Variants in LRRK1 observed in about 807,000 individuals in gnomAD.
LRRK1 encodes leucine rich repeat kinase 1.
A neutral mutation model predicts 209.1 loss-of-function variants in LRRK1; 113 were observed. The ratio of observed to expected loss-of-function variants is 0.54; its 90% CI spans 0.46 to 0.63. The LOEUF (loss-of-function observed/expected upper bound fraction) is 0.63, where lower values mean the gene tolerates loss of function less well. LRRK1 is among the 30% of genes least tolerant of loss of function. LRRK1 has a pLI of 0.00. For missense variants in LRRK1, 2,284 were observed against 2,632.2 expected (o/e 0.87, Z 2.89); for synonymous variants, 1,144 against 1,099.7 (o/e 1.04, Z -0.80).
At chr15:101,064,958 G>A in intron 31 of LRRK1, 1 of 246,118 alleles carries the variant, frequency 4.1e-6, no homozygotes, top group Non-Finnish European at 7.9e-6. Flanking sequence ...ACCGAGAAAA[G>A]GGCGGGGGCA....
chr15:101,010,457 G>A lies in LRRK1; in HGVS notation c.997G>A (p.Glu333Lys), dbSNP rs1296621966. The A allele has an allele frequency of 1.9e-6, 3 of 1,610,556 alleles. No homozygotes were observed. The highest frequency in any genetic ancestry group is 2.5e-6 in the Non-Finnish European group (3 of 1,179,136). ...CCTTCTTCTCCATCGCAGGCTACTT[G>A]AAATTGACATTTCCAGCAACAAGTT... ...SDEIICSRLL[E>K]IDISSNKLSH... Residue 333 changes from glutamate (E) to lysine (K), a missense_variant, in exon 8 of 34, where the codon GAA (glutamate) becomes AAA (lysine). Around this residue, in one of 6 missense-constraint regions of LRRK1, gnomAD observed 494 missense variants for 522.1 expected, o/e 0.95. Transcript: ENST00000388948.
chr15:101,041,427 A>G (rs1014906751), intron 20 of LRRK1, among the ~76,000 whole-genome samples: 4 of 151,944 alleles, frequency 2.6e-5, no homozygotes, highest in Non-Finnish European at 5.9e-5. Context: ...ATACCATCTG[A>G]TTTTGTTATT....
intron 2 of LRRK1, among the ~76,000 whole-genome samples, chr15:100,925,555 G>A (rs2042095031): frequency 6.6e-6 from 1 of 152,176 alleles, no homozygotes; most frequent in South Asian, 2.1e-4. Context: ...TACAGAAGTT[G>A]AATGATTGGT....
Position 101,027,230 on chromosome 15 carries a change from G to A in LRRK1, c.2406-31G>A, listed in dbSNP as rs565313221. ...GCAGCGCTTCCTCGGAGTGGGGCAT[G>A]ATGAGTAAAGACGGGTCTTTTTGCT... On this transcript the variant is annotated intron_variant, in intron 17 of 33. Coordinates refer to ENST00000388948, the MANE Select transcript of LRRK1 (RefSeq NM_024652.6). This position sits in a 1 kb window ranked among gnomAD's most constrained non-coding sequence, Gnocchi z 5.1. The A allele has an allele frequency of 1.9e-6, 3 of 1,612,842 alleles. No homozygotes were observed. Among genetic ancestry groups the A allele is most frequent in the East Asian group, 2.2e-5 (1 of 44,858 alleles).
At chr15:101,026,276 C>A in intron 17 of LRRK1, 139 bp downstream of exon 17, 1 of 802,522 alleles carries the variant, frequency 1.2e-6, no homozygotes, top group Non-Finnish European at 2.0e-6. Context: ...ATCCACAGAG[C>A]TGACCCAGCC....
At chr15:100,994,840 A>C (rs1186554123) in intron 6 of LRRK1, among the ~76,000 whole-genome samples, 1 of 152,158 alleles carries the variant, frequency 6.6e-6, no homozygotes, top group East Asian at 1.9e-4. Flanking sequence ...CTGGCAGAAG[A>C]GAACAGAGAG....
chr15:101,076,038 C>T lies in LRRK1; in HGVS notation c.*7190C>T, dbSNP rs2036974100. On this transcript the variant is annotated 3_prime_UTR_variant, in exon 34 of 34. Transcript: ENST00000388948. ...CATGTCCGATTAATCTCCCAAACCCCAACCCCTTCTACAAAACAAGAACTC... is the reference window on the plus strand; with the variant it reads ...CATGTCCGATTAATCTCCCAAACCCTAACCCCTTCTACAAAACAAGAACTC... The T allele has an allele frequency of 6.6e-6, 1 of 152,194 alleles. No individual in the cohort carries two copies. Among genetic ancestry groups the T allele is most frequent in the South Asian group, 2.1e-4 (1 of 4,832 alleles). 9.4% of individuals were successfully genotyped at this position (152,194 alleles called of 1,614,324 possible). A position where few individuals can be genotyped will look rare whatever the true frequency, so the allele number is the denominator to read the frequency against.
Position 101,021,941 on chromosome 15 carries a change from A to G in LRRK1, c.1836A>G (p.Ala612=). ...ACCTGACCATCAGCAATGTGCCTGC[A>G]GAAATCCAAAAAGAAGGTAGGGCTT... The part of the protein sequence containing the change: ...TEDLTISNVP[A]EIQKEGPKAM... The change falls in exon 14 of 34, where the codon GCA becomes GCG. Residue 612 remains alanine, a synonymous_variant. Transcript: ENST00000388948. 1.2e-6 allele frequency: 2 copies of G among 1,613,668 alleles called. No individual in the cohort carries two copies. Among genetic ancestry groups the G allele is most frequent in the Non-Finnish European group, 1.7e-6 (2 of 1,179,596 alleles).
At position 101,051,869 on chromosome 15, in the gene LRRK1, C is replaced by T. The variant is rs777443874; in HGVS notation, c.3598C>T (p.Arg1200Trp). ...AGACTGTGTCCTGACGGCCATCGAG[C>T]GGGACTTCATCTCCTGCCCCAGACA... is the stretch of plus-strand genomic sequence containing the variant. The part of the protein sequence containing the change: ...MEDCVLTAIE[R>W]DFISCPRHPD... The change falls in exon 24 of 34, where the codon CGG (arginine) becomes TGG (tryptophan). Residue 1200 changes from arginine to tryptophan, a missense_variant. Around this residue, in one of 6 missense-constraint regions of LRRK1, gnomAD observed 780 missense variants for 985.2 expected, o/e 0.79. Transcript: ENST00000388948. 11 of 1,613,978 alleles carry T rather than the reference C, an allele frequency of 6.8e-6. No homozygotes were observed. The highest frequency in any genetic ancestry group is 4.0e-5 in the African/African-American group (3 of 74,940).
intron 2 of LRRK1, among the ~76,000 whole-genome samples, chr15:100,950,081 C>G (rs1282055076): frequency 6.6e-6 from 1 of 152,192 alleles, no homozygotes; most frequent in African/African-American, 2.4e-5. Flanking sequence ...TTTCCGGTGA[C>G]ATCATACTGT....
At chr15:100,987,849 G>T (rs1043150156) in intron 4 of LRRK1, among the ~76,000 whole-genome samples, 7 of 152,184 alleles carry the variant, frequency 4.6e-5, no homozygotes, top group Non-Finnish European at 1.0e-4. Flanking sequence ...ACTCCTGCAT[G>T]TAATGTTACC....
rs1405103043 is a variant in LRRK1, at chr15:101,002,838, A to G, written c.763-5999A>G. 2.0e-5 allele frequency among the ~76,000 whole-genome samples: 3 copies of G among 152,216 alleles called. No homozygotes were observed. In the East Asian group the frequency reaches 5.8e-4, roughly 29 times the overall value. ...AACTTCCATCTCCCGGGTTCAAGTG[A>G]TTCGGCCTCAGCCTCCCAAGTAGCT... On this transcript the variant is annotated intron_variant, in intron 6 of 33. Coordinates refer to ENST00000388948, the MANE Select transcript of LRRK1 (RefSeq NM_024652.6).
chr15:101,048,712 G>A (rs1350632657), intron 22 of LRRK1, 55 bp downstream of exon 22: 11 of 1,418,722 alleles, frequency 7.8e-6, no homozygotes, highest in Admixed American at 5.7e-5. Context: ...AGCAGCCACC[G>A]CGGGGCCACG....
chr15:101,026,296 G>T (rs2034030079), intron 17 of LRRK1, among the ~76,000 whole-genome samples, 159 bp downstream of exon 17: 1 of 152,260 alleles, frequency 6.6e-6, no homozygotes, highest in Admixed American at 6.5e-5. Flanking sequence ...CTTGGGGAGG[G>T]TGAAGACCTA....
Position 101,076,232 on chromosome 15 carries a change from A to G in LRRK1, c.*7384A>G, listed in dbSNP as rs924570485. 1 of 152,158 alleles carries G rather than the reference A, an allele frequency of 6.6e-6. No homozygotes were observed. The highest frequency in any genetic ancestry group is 1.5e-5 in the Non-Finnish European group (1 of 68,048). The allele number at this position is 152,158 out of a possible 1,614,324, so 9.4% of individuals were successfully genotyped here. ...AATACTTTTAGAGGCCCTCAAAATC[A>G]CAAACTATGCTCAACTCACTCTCTA... On this transcript the variant is annotated 3_prime_UTR_variant, in exon 34 of 34. Coordinates refer to ENST00000388948, the MANE Select transcript of LRRK1 (RefSeq NM_024652.6).
intron 16 of LRRK1, 111 bp downstream of exon 16, chr15:101,025,078 C>A: frequency 9.4e-7 from 1 of 1,065,676 alleles, no homozygotes; most frequent in South Asian, 1.8e-5. Flanking sequence ...TATGTTGCCA[C>A]AGAGGGCCCC....
intron 2 of LRRK1, among the ~76,000 whole-genome samples, chr15:100,945,090 G>T (rs777115532): frequency 6.6e-6 from 1 of 152,212 alleles, no homozygotes; most frequent in Non-Finnish European, 1.5e-5. Context: ...CTCTTCACGG[G>T]CATTTGGGCG....
chr15:101,066,742 G>C lies in LRRK1; in HGVS notation c.5870+1G>C, dbSNP rs1596362892. ...AAGCCCGAGAGCTGACTCCGCATGG[G>C]TAAGACTGAGTGGCAGCTCCTTTAG... On this transcript the variant is annotated splice_donor_variant, in intron 33 of 33. Transcript: ENST00000388948. LOFTEE classifies it high-confidence loss of function. 1.2e-5 allele frequency: 19 copies of C among 1,611,880 alleles called. No individual in the cohort carries two copies. The highest frequency in any genetic ancestry group is 1.6e-5 in the Non-Finnish European group (19 of 1,177,944).
chr15:101,022,546 C>A lies in LRRK1; in HGVS notation c.2016C>A (p.Thr672=). 6.2e-7 allele frequency: 1 copy of A among 1,613,814 alleles called. No individual in the cohort carries two copies. Among genetic ancestry groups the A allele is most frequent in the Non-Finnish European group, 8.5e-7 (1 of 1,180,002 alleles). ...CCCAGGTGGTGCATGGAGAGGCCACCATCAGGACCACCAAGTGGGAGCTCC... is the reference window on the plus strand; with the variant it reads ...CCCAGGTGGTGCATGGAGAGGCCACAATCAGGACCACCAAGTGGGAGCTCC... ...RAPQVVHGEA[T]IRTTKWELQR... Residue 672 remains threonine (T), a synonymous_variant, in exon 15 of 34, where the codon ACC becomes ACA. Transcript: ENST00000388948. The surrounding 1 kb of genome is among the most constrained non-coding windows in gnomAD (Gnocchi z 4.0).
Sources: allele counts gnomAD v4.1 joint callset (sites outside exome capture counted in the v4.1 genomes callset), GRCh38; gene constraint gnomAD v4.1.1; regional missense constraint gnomAD v4.1.1; non-coding constraint Gnocchi (gnomAD v3.1); transcripts MANE v1.5; gene names NCBI Gene and HGNC (gene_info 2026-07-23, HGNC 2026-07-21).